The following AUTS2 variants were observed in gnomAD, a reference collection of about 807,000 sequenced individuals.
The protein encoded by AUTS2 is activator of transcription and developmental regulator AUTS2.
AUTS2 carries 17 observed loss-of-function variants against 112.4 expected under a neutral mutation model. The observed-to-expected ratio is 0.15, with a 90% confidence interval of 0.10 to 0.23. The LOEUF (loss-of-function observed/expected upper bound fraction) is 0.23. Among genes scored for constraint, AUTS2 ranks in the 10% least tolerant of loss-of-function variants. The probability of loss-of-function intolerance (pLI) is 1.00; values close to 1 mark genes in which losing one functional copy is unlikely to be tolerated. For missense variants in AUTS2, 1,510 were observed against 1,701.6 expected, an observed-to-expected ratio of 0.89 and a Z score of 1.98; for synonymous variants, 751 against 702.7, an observed-to-expected ratio of 1.07 and a Z score of -1.09.
chr7:70,059,144 C>T (rs1802126405), intron 2 of AUTS2, among the ~76,000 whole-genome samples: 2 of 152,140 alleles, frequency 1.3e-5, no homozygotes, highest in Admixed American at 6.5e-5. Flanking sequence ...AGTTTCATTG[C>T]CCTAAAAATC....
At chr7:70,306,221 G>A (rs2129614455) in intron 4 of AUTS2, among the ~76,000 whole-genome samples, 1 of 152,282 alleles carries the variant, frequency 6.6e-6, no homozygotes, top group East Asian at 1.9e-4. Context: ...AAGCTTGTGG[G>A]AGCTGCCCGG....
intron 5 of AUTS2, among the ~76,000 whole-genome samples, chr7:70,591,087 G>T (rs1251010818): frequency 2.0e-5 from 3 of 152,162 alleles, no homozygotes; most frequent in Non-Finnish European, 4.4e-5. Flanking sequence ...TTCCAGTCCT[G>T]GCCTGCCTTT....
chr7:70,186,048 T>C (rs1017026829), intron 4 of AUTS2, among the ~76,000 whole-genome samples: 1 of 152,196 alleles, frequency 6.6e-6, no homozygotes, highest in Non-Finnish European at 1.5e-5. Flanking sequence ...GGCCTGGAGC[T>C]TACCAATCAG....
intron 5 of AUTS2, among the ~76,000 whole-genome samples, chr7:70,668,461 G>A (rs1249626781): frequency 1.3e-5 from 2 of 152,208 alleles, no homozygotes; most frequent in African/African-American, 4.8e-5. Flanking sequence ...CAATGACTAA[G>A]ACAACCAAAC....
At chr7:70,671,778 T>C (rs942609598) in intron 5 of AUTS2, among the ~76,000 whole-genome samples, 1 of 152,172 alleles carries the variant, frequency 6.6e-6, no homozygotes, top group African/African-American at 2.4e-5. Flanking sequence ...ACCTGTCTCT[T>C]TGCGTTGTCA....
rs1324117686 is a variant in AUTS2 at position 70,486,952 on chromosome 7, G to C, written c.690+51171G>C. Among the ~76,000 whole-genome samples the C allele has an allele frequency of 3.5e-5, 5 of 142,786 alleles. No homozygotes were observed. The South Asian group carries it at 9.0e-4, about 26-fold the overall frequency. 93.7% of individuals were successfully genotyped at this position (142,786 alleles called of 152,430 possible). A position where few individuals can be genotyped will look rare whatever the true frequency, so the allele number is the denominator to read the frequency against. ...GTTGCATATCATCACTTTAAAAGCT[G>C]AAGCAGAGCTTTTCTAGGCCCCACA... On this transcript the variant is annotated intron_variant, in intron 5 of 18. Transcript: ENST00000342771.
chr7:69,609,341 AG>A (rs566144815), intron 1 of AUTS2, among the ~76,000 whole-genome samples: 7 of 152,248 alleles, frequency 4.6e-5, no homozygotes, highest in Non-Finnish European at 8.8e-5. Context: ...CACAATATCA[AG>A]AACCTTTAAA....
intron 2 of AUTS2, among the ~76,000 whole-genome samples, chr7:70,082,837 A>ATGCTTTAG (rs907412389): frequency 8.5e-5 from 13 of 152,216 alleles, no homozygotes; most frequent in Admixed American, 4.6e-4. Context: ...AGCATTTTGT[A>ATGCTTTAG]TATAAGGTCA....
intron 6 of AUTS2, among the ~76,000 whole-genome samples, chr7:70,736,950 C>CT (rs1787812552): frequency 6.6e-6 from 1 of 152,216 alleles, no homozygotes; most frequent in Admixed American, 6.5e-5. Flanking sequence ...TTCCTGATCA[C>CT]TTTCCGTGGT....
chr7:70,255,652 T>A (rs566723475), intron 4 of AUTS2, among the ~76,000 whole-genome samples: 1 of 152,192 alleles, frequency 6.6e-6, no homozygotes, highest in Non-Finnish European at 1.5e-5. Context: ...AAGCTCACAT[T>A]GTAGAATATG....
At chr7:69,611,936 CAAAAA>C (rs896215968) in intron 1 of AUTS2, among the ~76,000 whole-genome samples, 1 of 85,756 alleles carries the variant, frequency 1.2e-5, no homozygotes, top group Non-Finnish European at 2.1e-5. Flanking sequence ...GACTCCGTCT[CAAAAA>C]AAAAAAAAAA....
At chr7:70,032,455 C>T (rs559180737) in intron 2 of AUTS2, among the ~76,000 whole-genome samples, 12 of 152,130 alleles carry the variant, frequency 7.9e-5, no homozygotes, top group Non-Finnish European at 1.3e-4. Context: ...TCAATAACTC[C>T]TCCAATAGAG....
At chr7:69,936,465 T>A (rs187100398) in intron 2 of AUTS2, among the ~76,000 whole-genome samples, 105 of 152,264 alleles carry the variant, frequency 6.9e-4, no homozygotes, top group African/African-American at 2.4e-3. Flanking sequence ...TTCTCCTGCC[T>A]CAGCCTCCCG....
chr7:69,899,025 A>G (rs1794863125), intron 1 of AUTS2, among the ~76,000 whole-genome samples: 1 of 152,198 alleles, frequency 6.6e-6, no homozygotes, highest in South Asian at 2.1e-4. Flanking sequence ...GGAGCAGTGA[A>G]ATCACTTTTG....
At chr7:70,490,942 C>T (rs1798205522) in intron 5 of AUTS2, among the ~76,000 whole-genome samples, 2 of 152,238 alleles carry the variant, frequency 1.3e-5, no homozygotes, top group Non-Finnish European at 2.9e-5. Context: ...TCACCTCCAG[C>T]TCCCAAGTCA....
chr7:70,155,331 G>A (rs1213068623), intron 4 of AUTS2, among the ~76,000 whole-genome samples: 3 of 152,132 alleles, frequency 2.0e-5, no homozygotes, highest in Admixed American at 2.0e-4. Flanking sequence ...GGGCCAGGAG[G>A]TAATTAAAGA....
chr7:69,932,520 T>C (rs1373450151), intron 2 of AUTS2, among the ~76,000 whole-genome samples: 2 of 152,266 alleles, frequency 1.3e-5, no homozygotes, highest in South Asian at 2.1e-4. Context: ...GTATTGACAG[T>C]AAACTTTGGC....
chr7:70,231,433 GT>G (rs1812041723), intron 4 of AUTS2, among the ~76,000 whole-genome samples: 1 of 151,906 alleles, frequency 6.6e-6, no homozygotes. Context: ...AATCTGTGTG[GT>G]TTTTTTGTTT....
At chr7:69,968,498 C>T (rs1273819477) in intron 2 of AUTS2, among the ~76,000 whole-genome samples, 2 of 152,186 alleles carry the variant, frequency 1.3e-5, no homozygotes. Flanking sequence ...ATATGTGTCA[C>T]TTACTCTGTT....
Sources: gnomAD v4.1 joint callset for allele counts (sites outside exome capture counted in the v4.1 genomes callset) on GRCh38, gnomAD v4.1.1 for gene constraint, MANE v1.5 for transcripts, NCBI Gene and HGNC (gene_info 2026-07-23, HGNC 2026-07-21) for gene names.